BCOR: variants seen among roughly 807,000 people sequenced by gnomAD.
BCOR encodes the protein BCL-6 corepressor.
In BCOR, 10 loss-of-function variants were observed where a neutral mutation model predicts 86.7. That is an observed-to-expected ratio of 0.12 (90% confidence interval 0.07 to 0.20). The LOEUF is 0.20. Ranked by LOEUF, BCOR falls within the 10% of genes least tolerant of loss-of-function variation. The pLI is 1.00. For missense variants in BCOR, 1,259 were observed against 1,452.1 expected (o/e 0.87, Z 2.16); for synonymous variants, 611 against 609.0 (o/e 1.00, Z -0.05).
Position 40,069,305 on chromosome X carries a change from G to A in BCOR, c.3238+1668C>T, listed in dbSNP as rs187797045. Among the ~76,000 whole-genome samples the A allele has an allele frequency of 4.5e-5, 5 of 111,978 alleles. No individual in the cohort carries two copies. The East Asian group carries it at 1.4e-3, about 32-fold the overall frequency. Reference sequence around the variant, plus strand: ...CTCCCTGCCATGGCTCATTACCTGAGGAGCACTACGTGGTGACTTATGGCT... The same window carrying A: ...CTCCCTGCCATGGCTCATTACCTGAAGAGCACTACGTGGTGACTTATGGCT... On this transcript the variant is annotated intron_variant, in intron 6 of 14. Transcript: ENST00000378444.
In BCOR at chrX:40,122,663, C is replaced by T. The variant is rs191568867; in HGVS notation, c.-40-44694G>A. On this transcript the variant is annotated intron_variant, in intron 1 of 14. Coordinates refer to the BCOR transcript ENST00000342274. ...GCTCCTTCTTCCCATGCCCCAAGGA[C>T]CATGGAAGCCGCCACTCGGGGCGTT... is the stretch of plus-strand genomic sequence containing the variant. Among the ~76,000 whole-genome samples, 20 of 111,992 alleles carry T rather than the reference C, an allele frequency of 1.8e-4. No homozygotes were observed. In the East Asian group the frequency reaches 5.6e-3, roughly 32 times the overall value.
At chrX:40,063,130 C>A (rs779785937) in intron 8 of BCOR, 59 bp from the exon 9 acceptor site, 10 of 908,906 alleles carry the variant, frequency 1.1e-5, no homozygotes, top group Non-Finnish European at 1.5e-5. Flanking sequence ...AAGAAGCGGG[C>A]GTTACACAGT....
At chrX:40,088,745 C>G (rs1426577672) in intron 1 of BCOR, among the ~76,000 whole-genome samples, 1 of 112,089 alleles carries the variant, frequency 8.9e-6, no homozygotes, top group Non-Finnish European at 1.9e-5. Context: ...CTCATAACAT[C>G]CGGACTTAAT....
At chrX:40,054,682 T>C (rs1934502930) in intron 12 of BCOR, among the ~76,000 whole-genome samples, 1 of 111,944 alleles carries the variant, frequency 8.9e-6, no homozygotes, top group Admixed American at 9.4e-5. Context: ...TTTGTATTTT[T>C]AGTAGACACA....
In BCOR at chrX:40,071,052, C is replaced by A; in HGVS notation, c.3159G>T (p.Arg1053Ser). ...MCKFSPADWE[R>S]LKGNQDKKPK... ...GCTTTTTGTCCTGATTTCCTTTCAA[C>A]CTTTCCCAGTCGGCTGGGCTGAATT... is the stretch of plus-strand genomic sequence containing the variant. Residue 1053 changes from arginine (R) to serine (S), a missense_variant, in exon 6 of 15, where the codon AGG (arginine) becomes AGT (serine). Coordinates refer to ENST00000378444, the MANE Select transcript of BCOR (RefSeq NM_001123385.2). The A allele has an allele frequency of 8.3e-7, 1 of 1,211,714 alleles. No homozygotes were observed. Among genetic ancestry groups the A allele is most frequent in the South Asian group, 1.8e-5 (1 of 56,958 alleles).
chrX:40,052,098 G>A lies in BCOR; in HGVS notation c.*11C>T. The A allele has an allele frequency of 8.4e-7, 1 of 1,183,821 alleles. No individual in the cohort carries two copies. Among genetic ancestry groups the A allele is most frequent in the Non-Finnish European group, 1.1e-6 (1 of 879,700 alleles). ...CACTATAACACACTGTACATGGTGG[G>A]TCCAGCTTGCTCACCAGTAGTTGTC... On this transcript the variant is annotated 3_prime_UTR_variant, in exon 15 of 15. Coordinates refer to ENST00000378444, the MANE Select transcript of BCOR (RefSeq NM_001123385.2).
At chrX:40,062,096 G>GC (rs1569145472) in intron 10 of BCOR, 43 bp downstream of exon 10, 8 of 1,174,421 alleles carry the variant, frequency 6.8e-6, no homozygotes, top group African/African-American at 1.8e-5. Context: ...CGCAGGCCCC[G>GC]CCCCCCAGCC....
At chrX:40,059,955 A>C in intron 10 of BCOR, among the ~76,000 whole-genome samples, 1 of 112,431 alleles carries the variant, frequency 8.9e-6, no homozygotes, top group South Asian at 3.7e-4. Flanking sequence ...TACAGATCTG[A>C]AGACAGAGGG....
intron 14 of BCOR, among the ~76,000 whole-genome samples, 158 bp from the exon 15 acceptor site, chrX:40,052,558 T>G (rs1295151038): frequency 4.1e-5 from 2 of 48,587 alleles, no homozygotes; most frequent in Non-Finnish European, 7.2e-5. Flanking sequence ...GATCACCATT[T>G]TTTTTTTTTT....
chrX:40,146,921 G>C (rs1335089005), intron 1 of BCOR, among the ~76,000 whole-genome samples: 1 of 112,299 alleles, frequency 8.9e-6, no homozygotes, highest in African/African-American at 3.2e-5. Context: ...AGCCCCTGGC[G>C]GCAAGTTTAC....
At chrX:40,071,530 G>T in intron 5 of BCOR, 107 bp downstream of exon 5, 1 of 580,234 alleles carries the variant, frequency 1.7e-6, no homozygotes, top group Non-Finnish European at 2.9e-6. Flanking sequence ...AATACACAAT[G>T]AATAAAGACG....
rs140219452 is a variant in BCOR, at chrX:40,074,386, C to T, written c.960G>A (p.Ala320=). ...SKQPRVPSAK[A]VTSGLPGDTA... is the part of the protein sequence containing the mutation. ...TGTCCCCCGGCAGGCCACTGGTGACCGCCTTGGCAGAGGGAACCCTGGGCT... is the reference window on the plus strand; with the variant it reads ...TGTCCCCCGGCAGGCCACTGGTGACTGCCTTGGCAGAGGGAACCCTGGGCT... Residue 320 remains alanine (A), a synonymous_variant, in exon 4 of 15, where the codon GCG becomes GCA. Transcript: ENST00000378444. 6.4e-5 allele frequency: 77 copies of T among 1,209,465 alleles called. No homozygotes were observed. The highest frequency in any genetic ancestry group is 4.6e-4 in the Middle Eastern group (2 of 4,374).
intron 1 of BCOR, among the ~76,000 whole-genome samples, chrX:40,133,915 AC>A (rs1937633396): frequency 9.0e-6 from 1 of 111,165 alleles, no homozygotes; most frequent in Non-Finnish European, 1.9e-5. Context: ...CTAAGAACTT[AC>A]AACTGAAGCG....
chrX:40,071,865 A>G, intron 4 of BCOR, 175 bp from the exon 5 acceptor site: 1 of 445,788 alleles, frequency 2.2e-6, no homozygotes. Flanking sequence ...ATTCACTAGC[A>G]AGTTAAATAC....
chrX:40,167,968 C>A (rs1046563864), intron 1 of BCOR, among the ~76,000 whole-genome samples: 10 of 112,722 alleles, frequency 8.9e-5, no homozygotes, highest in African/African-American at 3.2e-4. Context: ...TGGGAAGCTT[C>A]GATTCCCCGC....
At chrX:40,068,635 A>G (rs945884242) in intron 6 of BCOR, among the ~76,000 whole-genome samples, 4 of 112,412 alleles carry the variant, frequency 3.6e-5, no homozygotes, top group Non-Finnish European at 7.5e-5. Flanking sequence ...AAGTAAATCA[A>G]TCAATAAAAA....
At chrX:40,169,000 G>A (rs963448437) in intron 1 of BCOR, among the ~76,000 whole-genome samples, 1 of 112,641 alleles carries the variant, frequency 8.9e-6, no homozygotes, top group African/African-American at 3.2e-5. Flanking sequence ...CCCGAGTGGG[G>A]TTCCAAGGGC....
At chrX:40,103,201 C>A (rs894682077) in intron 1 of BCOR, among the ~76,000 whole-genome samples, 1 of 111,539 alleles carries the variant, frequency 9.0e-6, no homozygotes, top group Non-Finnish European at 1.9e-5. Context: ...GCCTGGAAGC[C>A]CGGCCATTAG....
chrX:40,074,526 G>C lies in BCOR; in HGVS notation c.820C>G (p.Pro274Ala), dbSNP rs781778869. The change falls in exon 4 of 15, where the codon CCA (proline) becomes GCA (alanine). Residue 274 changes from proline (P) to alanine (A), a missense_variant. Around this residue, in one of 7 missense-constraint regions of BCOR, gnomAD observed 534 missense variants for 594.8 expected, o/e 0.90. Transcript: ENST00000378444. The part of the protein sequence containing the change: ...PMRLSTPSAS[P>A]AIPPLVHCAD... ...CAATGGACGAGAGGCGGGATGGCTG[G>C]GGAGGCCGAAGGTGTCGAGAGCCTC... is the stretch of plus-strand genomic sequence containing the variant. 2.5e-6 allele frequency: 3 copies of C among 1,207,512 alleles called. No individual in the cohort carries two copies. The highest frequency in any genetic ancestry group is 3.4e-6 in the Non-Finnish European group (3 of 893,088).
Sources: allele counts gnomAD v4.1 joint callset (sites outside exome capture counted in the v4.1 genomes callset), GRCh38; gene constraint gnomAD v4.1.1; regional missense constraint gnomAD v4.1.1; transcripts MANE v1.5; gene names NCBI Gene and HGNC (gene_info 2026-07-23, HGNC 2026-07-21).